The following SMYD1 variants were observed in gnomAD, a reference collection of about 807,000 sequenced individuals.
The protein encoded by SMYD1 is SET and MYND domain containing 1, also known as histone-lysine N-methyltransferase SMYD1.
In SMYD1, 49 loss-of-function variants were observed where a neutral mutation model predicts 54.0. The observed-to-expected ratio is 0.91, with a 90% CI of 0.72 to 1.15. SMYD1 has a LOEUF of 1.15. SMYD1 is among the 50% of genes most tolerant of loss of function. SMYD1 has a pLI of 0.00. For missense variants in SMYD1, 653 were observed against 639.6 expected (o/e 1.02, Z -0.23); for synonymous variants, 269 against 234.2 (o/e 1.15, Z -1.36).
At chr2:88,109,198 C>G (rs1436927297) in intron 9 of SMYD1, among the ~76,000 whole-genome samples, 2 of 152,124 alleles carry the variant, frequency 1.3e-5, no homozygotes, top group Non-Finnish European at 2.9e-5. Flanking sequence ...AGACTTGAAG[C>G]CTGAGTCTGT....
At chr2:88,069,544 T>C (rs1416588897) in intron 1 of SMYD1, among the ~76,000 whole-genome samples, 2 of 152,238 alleles carry the variant, frequency 1.3e-5, no homozygotes, top group Non-Finnish European at 2.9e-5. Context: ...ATTCTGGCGC[T>C]GCCAGTGAGT....
At position 88,074,876 on chromosome 2, in the gene SMYD1, G is replaced by A. The variant is rs1352922941; in HGVS notation, c.137+6875G>A. 2.6e-5 allele frequency among the ~76,000 whole-genome samples: 4 copies of A among 152,326 alleles called. No homozygotes were observed. In the East Asian group the frequency reaches 7.7e-4, roughly 29 times the overall value. ...AGCTTTCTTAGGTGCGGCAGAGCAG[G>A]TGGGGTTAGTCAGTGTAATTCTGTG... On this transcript the variant is annotated intron_variant, in intron 1 of 9. Transcript: ENST00000419482.
rs200198739 is a variant in SMYD1, at chr2:88,088,089, G to T, written c.528+14G>T. Reference sequence around the variant, plus strand: ...ATCTTCGGAGTGGTAGGCCCCCTGCGTCCCTTCTCCATCCTCCCTGTCTGT... The same window carrying T: ...ATCTTCGGAGTGGTAGGCCCCCTGCTTCCCTTCTCCATCCTCCCTGTCTGT... On this transcript the variant is annotated intron_variant, in intron 3 of 9. Coordinates refer to ENST00000419482, the MANE Select transcript of SMYD1 (RefSeq NM_198274.4). The T allele has an allele frequency of 6.2e-7, 1 of 1,600,346 alleles. No homozygotes were observed. Among genetic ancestry groups the T allele is most frequent in the Non-Finnish European group, 8.5e-7 (1 of 1,171,994 alleles).
At position 88,087,751 on chromosome 2, in the gene SMYD1, A is replaced by C. The variant is rs190159705; in HGVS notation, c.315-111A>C. ...AATAAATTCCATCCATCTAGTTTAA[A>C]AACGTATCTTGGGCCCAACATTGTG... On this transcript the variant is annotated intron_variant, in intron 2 of 9. Coordinates refer to ENST00000419482, the MANE Select transcript of SMYD1 (RefSeq NM_198274.4). 4.3e-4 allele frequency: 417 copies of C among 958,794 alleles called. No homozygotes were observed. The African/African-American group carries it at 5.8e-3, about 13-fold the overall frequency. 59.4% of individuals were successfully genotyped at this position (958,794 alleles called of 1,614,324 possible). A position where few individuals can be genotyped will look rare whatever the true frequency, so the allele number is the denominator to read the frequency against.
At chr2:88,099,722 C>CAAA (rs571904782) in intron 6 of SMYD1, among the ~76,000 whole-genome samples, 5 of 135,434 alleles carry the variant, frequency 3.7e-5, no homozygotes, top group Admixed American at 1.5e-4. Flanking sequence ...GATTCCATCT[C>CAAA]AAAAAAAAAA....
At chr2:88,078,519 A>G (rs1674119399) in intron 1 of SMYD1, among the ~76,000 whole-genome samples, 1 of 152,054 alleles carries the variant, frequency 6.6e-6, no homozygotes, top group Admixed American at 6.6e-5. Context: ...GCTCTGACCA[A>G]CTCTAGGTTT....
chr2:88,096,721 A>G lies in SMYD1; in HGVS notation c.825A>G (p.Thr275=), dbSNP rs1015862028. The change falls in exon 6 of 10, where the codon ACA becomes ACG. Residue 275 remains threonine, a synonymous_variant. Coordinates refer to ENST00000419482, the MANE Select transcript of SMYD1 (RefSeq NM_198274.4). The stretch of plus-strand genomic sequence containing the variant: ...AGAAGCAGTACTACTTTGACTGCAC[A>G]TGTGAACACTGCCAGAAAAAACTGA... ...QLKKQYYFDC[T]CEHCQKKLKD... The G allele has an allele frequency of 2.2e-5, 36 of 1,614,138 alleles. No individual in the cohort carries two copies. Among genetic ancestry groups the G allele is most frequent in the Non-Finnish European group, 3.1e-5 (36 of 1,180,052 alleles).
chr2:88,095,644 G>C (rs1674569741), intron 5 of SMYD1, among the ~76,000 whole-genome samples: 1 of 152,194 alleles, frequency 6.6e-6, no homozygotes, highest in South Asian at 2.1e-4. Context: ...TCTGGATGAT[G>C]GCTTCCTACT....
chr2:88,096,004 T>C (rs1345063477), intron 5 of SMYD1, among the ~76,000 whole-genome samples: 2 of 152,198 alleles, frequency 1.3e-5, no homozygotes, highest in Non-Finnish European at 2.9e-5. Context: ...AACAATGCAG[T>C]AAGCTAACAG....
At chr2:88,087,023 T>C (rs1240108389) in intron 2 of SMYD1, among the ~76,000 whole-genome samples, 37 of 105,276 alleles carry the variant, frequency 3.5e-4, no homozygotes, top group African/African-American at 1.4e-3. Context: ...TGCTTGCTTG[T>C]GGAGTTTTAC....
rs533225775 is a variant in SMYD1, at chr2:88,067,984, C to T, written c.120C>T (p.Ser40=). Residue 40 remains serine, a synonymous_variant, in exon 1 of 10, where the codon TCC becomes TCT. Transcript: ENST00000419482. The part of the protein sequence containing the change: ...ADIIFAERAY[S]AVVFDSLVNF... ...TCATCTTTGCTGAGCGGGCTTATTC[C>T]GCAGTGGTTTTTGACAGGTATGAAA... 1.9e-5 allele frequency: 30 copies of T among 1,613,434 alleles called. No individual in the cohort carries two copies. The South Asian group carries it at 2.6e-4, about 14-fold the overall frequency.
At chr2:88,091,720 C>T (rs1233124081) in intron 4 of SMYD1, among the ~76,000 whole-genome samples, 1 of 152,022 alleles carries the variant, frequency 6.6e-6, no homozygotes, top group African/African-American at 2.4e-5. Flanking sequence ...ATACATTAGC[C>T]GGGCATGGTG....
At chr2:88,102,909 T>C in intron 6 of SMYD1, 149 bp from the exon 7 acceptor site, 1 of 616,604 alleles carries the variant, frequency 1.6e-6, no homozygotes, top group Non-Finnish European at 2.9e-6. Context: ...AGCTACAGGA[T>C]CTTGGGTAGC....
chr2:88,102,958 A>T, intron 6 of SMYD1, 100 bp from the exon 7 acceptor site: 1 of 869,248 alleles, frequency 1.2e-6, no homozygotes, highest in Non-Finnish European at 1.9e-6. Context: ...GGAAGACATT[A>T]ACCTTGTGCT....
chr2:88,078,606 A>G (rs1426949425), intron 1 of SMYD1, among the ~76,000 whole-genome samples: 1 of 152,128 alleles, frequency 6.6e-6, no homozygotes, highest in East Asian at 1.9e-4. Context: ...AAAATTTCAG[A>G]CTACATTTGA....
At chr2:88,094,669 C>A (rs1226382467) in intron 5 of SMYD1, among the ~76,000 whole-genome samples, 1 of 152,108 alleles carries the variant, frequency 6.6e-6, no homozygotes, top group East Asian at 1.9e-4. Context: ...ATTTCTAATA[C>A]CATTGAAATA....
At chr2:88,076,317 C>T (rs987933595) in intron 1 of SMYD1, among the ~76,000 whole-genome samples, 1 of 152,116 alleles carries the variant, frequency 6.6e-6, no homozygotes, top group Non-Finnish European at 1.5e-5. Context: ...TGGGTTCACG[C>T]GATTCTCCTG....
chr2:88,084,285 C>A, intron 1 of SMYD1, 31 bp from the exon 2 acceptor site: 2 of 1,540,286 alleles, frequency 1.3e-6, no homozygotes, highest in South Asian at 1.2e-5. Context: ...CACTGTGCTC[C>A]CAATCATGTG....
chr2:88,086,081 A>AAC (rs1674316523), intron 2 of SMYD1, among the ~76,000 whole-genome samples: 1 of 152,230 alleles, frequency 6.6e-6, no homozygotes, highest in Admixed American at 6.5e-5. Context: ...TATATAATTA[A>AAC]ACACACATAC....
Sources: gnomAD v4.1 joint callset for allele counts (sites outside exome capture counted in the v4.1 genomes callset) on GRCh38, gnomAD v4.1.1 for gene constraint, MANE v1.5 for transcripts, NCBI Gene and HGNC (gene_info 2026-07-23, HGNC 2026-07-21) for gene names.